PNPLA7: variants seen among roughly 807,000 people sequenced by gnomAD.
PNPLA7 encodes patatin like domain 7, lysophospholipase, also known as patatin-like phospholipase domain-containing protein 7.
A neutral mutation model predicts 161.7 loss-of-function variants in PNPLA7; 153 were observed. The observed-to-expected ratio is 0.95, with a 90% CI of 0.83 to 1.08. The LOEUF is 1.08. Ranked by LOEUF, PNPLA7 falls within the 50% of genes least tolerant of loss-of-function variation. The probability of loss-of-function intolerance (pLI) is 0.00; values close to 1 mark genes in which losing one functional copy is unlikely to be tolerated. For synonymous variants in PNPLA7, 809 were observed against 782.1 expected (o/e 1.03, Z -0.57); for missense variants, 1,739 against 1,856.6 (o/e 0.94, Z 1.16).
In PNPLA7 at chr9:137,540,271, C is replaced by A. The variant is rs191154737; in HGVS notation, c.747+371G>T. On this transcript the variant is annotated intron_variant, in intron 8 of 34. Coordinates refer to ENST00000406427, the MANE Select transcript of PNPLA7 (RefSeq NM_001098537.3). The surrounding 1 kb of genome is among the most constrained non-coding windows in gnomAD (Gnocchi z 5.1). ...GCCAGCAGGGAAGAGCCCAGCAGGA[C>A]CTGCAGGAAACGGGGGTGGCTGGTC... 5.1e-4 allele frequency among the ~76,000 whole-genome samples: 78 copies of A among 152,314 alleles called. 1 individual carries two copies. In the East Asian group the frequency reaches 0.013, roughly 26 times the overall value.
At chr9:137,527,263 G>A (rs1186916072) in intron 8 of PNPLA7, among the ~76,000 whole-genome samples, 8 of 145,618 alleles carry the variant, frequency 5.5e-5, no homozygotes, top group Non-Finnish European at 1.2e-4. Flanking sequence ...GCAAGACTCC[G>A]ACTCACAAAA....
At chr9:137,522,272 CACCG>C (rs1468012870) in intron 9 of PNPLA7, among the ~76,000 whole-genome samples, 3 of 151,208 alleles carry the variant, frequency 2.0e-5, no homozygotes, top group African/African-American at 7.4e-5. Flanking sequence ...GACGGGGTTT[CACCG>C]TGTGAGCCAG....
rs1344757533 is a variant in PNPLA7 at position 137,476,530 on chromosome 9, A to T, written c.2882+1504T>A. Among the ~76,000 whole-genome samples the T allele has an allele frequency of 1.3e-5, 2 of 152,150 alleles. No homozygotes were observed. The highest frequency in any genetic ancestry group is 2.9e-5 in the Non-Finnish European group (2 of 68,026). ...AAACTAAAAAAAAAACCAAAAACTT[A>T]GTAGAATAGGAATATGATTTAGAAA... On this transcript the variant is annotated intron_variant, in intron 25 of 34. Transcript: ENST00000406427. This position sits in a 1 kb window ranked among gnomAD's most constrained non-coding sequence, Gnocchi z 4.5.
At position 137,461,855 on chromosome 9, in the gene PNPLA7, G is replaced by T. The variant is rs553682830; in HGVS notation, c.3756+76C>A. 32 of 1,425,870 alleles carry T rather than the reference G, an allele frequency of 2.2e-5. 1 individual carries two copies. In the South Asian group the frequency reaches 4.1e-4, roughly 18 times the overall value. 88.3% of individuals were successfully genotyped at this position (1,425,870 alleles called of 1,614,324 possible). ...CCTGAGGAGCTGGGCGTGGCCTGATGAACTGGGCGTGGGCGTGGCCCGAAG... is the reference window on the plus strand; with the variant it reads ...CCTGAGGAGCTGGGCGTGGCCTGATTAACTGGGCGTGGGCGTGGCCCGAAG... On this transcript the variant is annotated intron_variant, in intron 32 of 34. Coordinates refer to ENST00000406427, the MANE Select transcript of PNPLA7 (RefSeq NM_001098537.3).
rs1458865162 is a variant in PNPLA7, at chr9:137,486,391, T to C, written c.2198-1655A>G. 2.0e-5 allele frequency among the ~76,000 whole-genome samples: 3 copies of C among 150,536 alleles called. No homozygotes were observed. The highest frequency in any genetic ancestry group is 1.9e-4 in the East Asian group (1 of 5,194). On this transcript the variant is annotated intron_variant, in intron 20 of 34. Transcript: ENST00000406427. This position sits in a 1 kb window ranked among gnomAD's most constrained non-coding sequence, Gnocchi z 6.0. ...AGAACCAGCGCACAGCCGGCAATCA[T>C]GTGCTCACAGGAAAATAGCTGATGA...
At chr9:137,489,717 A>G (rs1483862825) in intron 20 of PNPLA7, among the ~76,000 whole-genome samples, 2 of 152,126 alleles carry the variant, frequency 1.3e-5, no homozygotes, top group Non-Finnish European at 2.9e-5. Context: ...ACATTTTTTT[A>G]AAACTCTCTG....
At chr9:137,539,776 T>TTTTTG (rs562216697) in intron 8 of PNPLA7, among the ~76,000 whole-genome samples, 4 of 152,194 alleles carry the variant, frequency 2.6e-5, no homozygotes, top group South Asian at 2.1e-4. Flanking sequence ...GATACATGAT[T>TTTTTG]TTTTGTTTTG....
intron 18 of PNPLA7, among the ~76,000 whole-genome samples, chr9:137,496,087 C>T (rs76229423): frequency 0.011 from 1,611 of 151,852 alleles, 26 homozygotes; most frequent in African/African-American, 0.036. Flanking sequence ...GGGAGGGCAC[C>T]TAGGCCTCCC....
intron 26 of PNPLA7, 160 bp from the exon 27 acceptor site, chr9:137,464,616 T>G (rs1369986880): frequency 1.5e-6 from 1 of 681,582 alleles, no homozygotes; most frequent in East Asian, 2.7e-5. Context: ...GGCTGGAGCC[T>G]CAGAGTGAGC....
Position 137,480,465 on chromosome 9 carries a change from C to G in PNPLA7, c.2427G>C (p.Arg809=). The G allele has an allele frequency of 6.2e-7, 1 of 1,611,566 alleles. No individual in the cohort carries two copies. Among genetic ancestry groups the G allele is most frequent in the South Asian group, 1.1e-5 (1 of 90,850 alleles). ...CCTGCTGCCCCAGCCAGCTGGACAG[C>G]CGGTACTCGTGAACACTGCAGCACG... ...SAALDSVHEY[R]LSSWLGQQED... is the part of the protein sequence containing the mutation. The change falls in exon 23 of 35, where the codon CGG becomes CGC. Residue 809 remains arginine (R), a synonymous_variant. Coordinates refer to ENST00000406427, the MANE Select transcript of PNPLA7 (RefSeq NM_001098537.3).
intron 11 of PNPLA7, among the ~76,000 whole-genome samples, chr9:137,518,390 CTCA>C (rs1834761559): frequency 3.6e-5 from 3 of 84,506 alleles, no homozygotes; most frequent in Admixed American, 1.2e-4. Flanking sequence ...CACTCCATCC[CTCA>C]CTCACTCACT....
intron 12 of PNPLA7, among the ~76,000 whole-genome samples, chr9:137,506,849 C>T (rs769371953): frequency 5.3e-5 from 8 of 152,264 alleles, no homozygotes; most frequent in Non-Finnish European, 8.8e-5. Flanking sequence ...TCCAGCCCTT[C>T]GTGTGCAGCT....
chr9:137,496,069 G>C (rs1306060578), intron 18 of PNPLA7, among the ~76,000 whole-genome samples: 2 of 151,582 alleles, frequency 1.3e-5, no homozygotes, highest in African/African-American at 2.4e-5. Flanking sequence ...AGGCCACGCT[G>C]TCCCCAGGGG....
At position 137,523,392 on chromosome 9, in the gene PNPLA7, G is replaced by A. The variant is rs1259830204; in HGVS notation, c.748-535C>T. On this transcript the variant is annotated intron_variant, in intron 8 of 34. Coordinates refer to ENST00000406427, the MANE Select transcript of PNPLA7 (RefSeq NM_001098537.3). The surrounding 1 kb of genome is among the most constrained non-coding windows in gnomAD (Gnocchi z 4.4). The stretch of plus-strand genomic sequence containing the variant: ...CACGAGGCCCAGGTGAGGAGCCACA[G>A]TGGCTCACCGCGTGGATGTGGCCAG... Among the ~76,000 whole-genome samples the A allele has an allele frequency of 1.3e-5, 2 of 152,338 alleles. No individual in the cohort carries two copies. Among genetic ancestry groups the A allele is most frequent in the East Asian group, 3.9e-4 (2 of 5,176 alleles).
chr9:137,532,420 G>A (rs1199039732), intron 8 of PNPLA7, among the ~76,000 whole-genome samples: 1 of 152,212 alleles, frequency 6.6e-6, no homozygotes, highest in African/African-American at 2.4e-5. Flanking sequence ...CTGGGTGACA[G>A]AGTGAGACTG....
At chr9:137,488,526 A>C (rs1832607677) in intron 20 of PNPLA7, among the ~76,000 whole-genome samples, 1 of 152,192 alleles carries the variant, frequency 6.6e-6, no homozygotes, top group Non-Finnish European at 1.5e-5. Flanking sequence ...AAGACTCCAA[A>C]GGATGGAGAG....
intron 12 of PNPLA7, among the ~76,000 whole-genome samples, chr9:137,510,053 T>C (rs557911883): frequency 2.2e-3 from 337 of 152,296 alleles, no homozygotes; most frequent in Non-Finnish European, 4.2e-3. Flanking sequence ...CTGTTATGCC[T>C]GGACAGGGCC....
intron 8 of PNPLA7, among the ~76,000 whole-genome samples, chr9:137,527,547 A>G (rs1564355924): frequency 6.6e-6 from 1 of 152,234 alleles, no homozygotes. Flanking sequence ...TCAATATGGA[A>G]CATTACATCA....
intron 25 of PNPLA7, among the ~76,000 whole-genome samples, chr9:137,477,433 C>G (rs1831990002): frequency 6.6e-6 from 1 of 151,920 alleles, no homozygotes; most frequent in Non-Finnish European, 1.5e-5. Context: ...GGAGGAGGTG[C>G]AAAGGGCCAA....
Sources: allele counts gnomAD v4.1 joint callset (sites outside exome capture counted in the v4.1 genomes callset), GRCh38; gene constraint gnomAD v4.1.1; non-coding constraint Gnocchi (gnomAD v3.1); transcripts MANE v1.5; gene names NCBI Gene and HGNC (gene_info 2026-07-23, HGNC 2026-07-21).